Variants in PKHD1L1 observed in about 807,000 individuals in gnomAD.
The protein encoded by PKHD1L1 is fibrocystin-L.
In PKHD1L1, 434 loss-of-function variants were observed where a neutral mutation model predicts 462.9. The ratio of observed to expected loss-of-function variants is 0.94; its 90% CI spans 0.87 to 1.02. The LOEUF (loss-of-function observed/expected upper bound fraction) is 1.02, where lower values mean the gene tolerates loss of function less well. Ranked by LOEUF, PKHD1L1 falls within the 50% of genes least tolerant of loss-of-function variation. The pLI is 0.00. For missense variants in PKHD1L1, 5,202 were observed against 5,096.1 expected (o/e 1.02, Z -0.63); for synonymous variants, 1,781 against 1,750.0 (o/e 1.02, Z -0.44).
Position 109,443,168 on chromosome 8 carries a change from G to A in PKHD1L1, c.4564+52G>A, listed in dbSNP as rs1815911437. On this transcript the variant is annotated intron_variant, in intron 36 of 77. Transcript: ENST00000378402. ...GTTACACAGGTGACCCAGGGTGTAT[G>A]TGATATTTCTGGAGCCGGTAGCAGA... 3.0e-5 allele frequency: 46 copies of A among 1,555,586 alleles called. 1 individual carries two copies. In the South Asian group the frequency reaches 4.9e-4, roughly 17 times the overall value.
chr8:109,430,685 T>C (rs545629911), intron 27 of PKHD1L1, among the ~76,000 whole-genome samples: 40 of 152,224 alleles, frequency 2.6e-4, no homozygotes, highest in African/African-American at 8.2e-4. Context: ...TAAACTCATA[T>C]GCTATAGTTA....
intron 32 of PKHD1L1, 82 bp from the exon 33 acceptor site, chr8:109,440,628 A>G (rs1308818896): frequency 7.8e-7 from 1 of 1,278,816 alleles, no homozygotes. Context: ...TCCTCTTTCT[A>G]AAGAAGTCAT....
chr8:109,466,747 T>C lies in PKHD1L1; in HGVS notation c.8583T>C (p.Asp2861=). ...QPSPVSLLEK[D]VVLSDSFGTS... ...CTCCAGTATCTCTGCTTGAAAAGGA[T>C]GTGGTTCTTTCAGACTCTTTTGGTA... The change falls in exon 50 of 78, where the codon GAT becomes GAC. Residue 2861 remains aspartate (D), a synonymous_variant. Transcript: ENST00000378402. 6.2e-7 allele frequency: 1 copy of C among 1,612,710 alleles called. No homozygotes were observed. The highest frequency in any genetic ancestry group is 1.7e-4 in the Middle Eastern group (1 of 6,052).
intron 9 of PKHD1L1, 80 bp downstream of exon 9, chr8:109,390,574 G>GT: frequency 1.2e-6 from 1 of 800,446 alleles, no homozygotes; most frequent in Non-Finnish European, 1.8e-6. Flanking sequence ...AGTTTGTGCT[G>GT]TAGATGCAGA....
intron 73 of PKHD1L1, among the ~76,000 whole-genome samples, chr8:109,521,819 A>G (rs1820565009): frequency 1.3e-5 from 2 of 152,182 alleles, no homozygotes; most frequent in South Asian, 4.1e-4. Flanking sequence ...TTAACACTTT[A>G]TTTTTTAAAA....
intron 23 of PKHD1L1, 146 bp from the exon 24 acceptor site, chr8:109,424,939 T>A: frequency 1.6e-6 from 1 of 639,060 alleles, no homozygotes; most frequent in Non-Finnish European, 2.5e-6. Context: ...TGTGTTGATT[T>A]ATGTGACACT....
At chr8:109,503,313 AAC>A (rs1819527540) in intron 67 of PKHD1L1, among the ~76,000 whole-genome samples, 3 of 118,826 alleles carry the variant, frequency 2.5e-5, no homozygotes, top group African/African-American at 1.1e-4. Context: ...AACAAAAACA[AAC>A]AAAAAAAAAA....
chr8:109,415,848 A>T (rs1472295622), intron 21 of PKHD1L1, among the ~76,000 whole-genome samples: 2 of 80,276 alleles, frequency 2.5e-5, no homozygotes, highest in Non-Finnish European at 5.7e-5. Flanking sequence ...ACCTTGTCTT[A>T]AAAAAAAAAA....
At chr8:109,524,599 T>C (rs1175277634) in intron 76 of PKHD1L1, among the ~76,000 whole-genome samples, 2 of 152,198 alleles carry the variant, frequency 1.3e-5, no homozygotes, top group Non-Finnish European at 1.5e-5. Context: ...GTACCCAGGA[T>C]CACTGGAGCA....
At position 109,369,256 on chromosome 8, in the gene PKHD1L1, C is replaced by A. The variant is rs375250295; in HGVS notation, c.163+4620C>A. Among the ~76,000 whole-genome samples, 10 of 152,122 alleles carry A rather than the reference C, an allele frequency of 6.6e-5. No individual in the cohort carries two copies. In the East Asian group the frequency reaches 1.3e-3, roughly 21 times the overall value. On this transcript the variant is annotated intron_variant, in intron 2 of 77. Transcript: ENST00000378402. ...CCTCCCAAAGTACTGGGATTACAGG[C>A]GTGAGCCACCGCACCTGGCCTAGAA...
At chr8:109,474,037 A>G (rs1586586271) in intron 50 of PKHD1L1, among the ~76,000 whole-genome samples, 1 of 152,184 alleles carries the variant, frequency 6.6e-6, no homozygotes, top group African/African-American at 2.4e-5. Flanking sequence ...TTGCTGAACA[A>G]TAATCCAACT....
chr8:109,497,374 G>C, intron 65 of PKHD1L1, 102 bp downstream of exon 65: 1 of 1,338,828 alleles, frequency 7.5e-7, no homozygotes, highest in South Asian at 1.5e-5. Context: ...TTCTATCTCT[G>C]TCTCGCCCAC....
At chr8:109,435,064 G>A (rs1815327204) in intron 28 of PKHD1L1, 126 bp from the exon 29 acceptor site, 7 of 941,458 alleles carry the variant, frequency 7.4e-6, no homozygotes, top group South Asian at 1.7e-5. Flanking sequence ...TATATGATTG[G>A]TTTTCTTTGG....
At chr8:109,418,159 A>T (rs1814280477) in intron 21 of PKHD1L1, among the ~76,000 whole-genome samples, 1 of 152,190 alleles carries the variant, frequency 6.6e-6, no homozygotes, top group Non-Finnish European at 1.5e-5. Flanking sequence ...CAGTATGCCA[A>T]ATTTTCTAAG....
intron 2 of PKHD1L1, among the ~76,000 whole-genome samples, chr8:109,377,326 G>A (rs965055731): frequency 6.6e-6 from 1 of 152,078 alleles, no homozygotes; most frequent in Admixed American, 6.6e-5. Context: ...CATTTAAAGA[G>A]TTAAATCTAC....
intron 19 of PKHD1L1, among the ~76,000 whole-genome samples, chr8:109,411,841 C>G (rs1813871803): frequency 6.6e-6 from 1 of 152,128 alleles, no homozygotes; most frequent in Admixed American, 6.6e-5. Flanking sequence ...CTCCCTTGAG[C>G]CTTAGTACGA....
intron 46 of PKHD1L1, among the ~76,000 whole-genome samples, chr8:109,458,568 A>G (rs897357284): frequency 6.6e-6 from 1 of 152,144 alleles, no homozygotes; most frequent in African/African-American, 2.4e-5. Context: ...TCTGAGCACT[A>G]ACAGAGCTTT....
Position 109,449,321 on chromosome 8 carries a change from T to A in PKHD1L1, c.6026-17T>A. ...TTTTAATTAGCTTTGTTTTTCCTTT[T>A]TATTTGTCTTCACTAGGGAGCTTTG... On this transcript the variant is annotated splice_polypyrimidine_tract_variant and intron_variant, in intron 39 of 77. Coordinates refer to ENST00000378402, the MANE Select transcript of PKHD1L1 (RefSeq NM_177531.6). The A allele has an allele frequency of 6.5e-7, 1 of 1,548,026 alleles. No individual in the cohort carries two copies. Among genetic ancestry groups the A allele is most frequent in the African/African-American group, 1.4e-5 (1 of 72,884 alleles).
At chr8:109,366,897 T>A (rs1315084411) in intron 2 of PKHD1L1, among the ~76,000 whole-genome samples, 1 of 152,096 alleles carries the variant, frequency 6.6e-6, no homozygotes, top group Non-Finnish European at 1.5e-5. Context: ...TTTCACTATG[T>A]TGGCCAGGCT....
Sources: gnomAD v4.1 joint callset for allele counts (sites outside exome capture counted in the v4.1 genomes callset) on GRCh38, gnomAD v4.1.1 for gene constraint, MANE v1.5 for transcripts, NCBI Gene and HGNC (gene_info 2026-07-23, HGNC 2026-07-21) for gene names.